The following OR2C1 variants were observed in gnomAD, a reference collection of about 807,000 sequenced individuals.
The protein encoded by OR2C1 is olfactory receptor family 2 subfamily C member 1, also known as olfactory receptor 2C1.
For missense variants in OR2C1, 468 were observed against 388.3 expected, an observed-to-expected ratio of 1.21 and a Z score of -1.73; for synonymous variants, 209 against 167.3, an observed-to-expected ratio of 1.25 and a Z score of -1.92.
chr16:3,335,520 C>CTTTTTTTTTTTTTTTTTTTTTTTTTT, the OR2C1 span, among the ~76,000 whole-genome samples: 1 of 55,410 alleles, frequency 1.8e-5, no homozygotes, highest in African/African-American at 7.5e-5. Flanking sequence ...AATGCTACTG[C>CTTTTTTTTTTTTTTTTTTTTTTTTTT]TTTTTTTTTT....
At position 3,356,498 on chromosome 16, in the gene OR2C1, A is replaced by T. The variant is rs774310059; in HGVS notation, c.558A>T (p.Lys186Asn). 1.3e-5 allele frequency: 21 copies of T among 1,613,984 alleles called. No homozygotes were observed. The Admixed American group carries it at 3.2e-4, about 24-fold the overall frequency. ...TCTGCGAGGTGCCTGCCATGATCAA[A>T]CTGGCCTGTGGCGACACAAGTCTCA... ...GFLCEVPAMI[K>N]LACGDTSLNQ... Residue 186 changes from lysine to asparagine, a missense_variant, in exon 1 of 1, where the codon AAA becomes AAT. Lys to Asn is a moderately conservative substitution (Grantham distance 94). Transcript: ENST00000304936.
At chr16:3,340,121 A>G in the OR2C1 span, among the ~76,000 whole-genome samples, 2 of 152,084 alleles carry the variant, frequency 1.3e-5, no homozygotes, top group Admixed American at 6.6e-5. Flanking sequence ...TCTACTAAAA[A>G]TACAAAAATT....
the OR2C1 span, among the ~76,000 whole-genome samples, chr16:3,345,689 T>C: frequency 6.6e-6 from 1 of 152,072 alleles, no homozygotes; most frequent in Non-Finnish European, 1.5e-5. Flanking sequence ...GAAATAAGCA[T>C]GGGGATTCTT....
At chr16:3,343,803 T>G in the OR2C1 span, among the ~76,000 whole-genome samples, 7 of 151,840 alleles carry the variant, frequency 4.6e-5, no homozygotes, top group East Asian at 1.4e-3. Flanking sequence ...GACAGAAAAT[T>G]TACTAAATAG....
At chr16:3,350,372 TTTGG>T in the OR2C1 span, among the ~76,000 whole-genome samples, 6 of 146,304 alleles carry the variant, frequency 4.1e-5, no homozygotes, top group African/African-American at 1.3e-4. Flanking sequence ...AAATTTTTTG[TTTGG>T]TTGGTTGGTT....
chr16:3,354,711 A>C (rs191037199), upstream of OR2C1, among the ~76,000 whole-genome samples: 5 of 152,288 alleles, frequency 3.3e-5, no homozygotes, highest in African/African-American at 1.2e-4. Flanking sequence ...AGCTTTTCCA[A>C]ATACAATGTG....
At chr16:3,351,226 C>CTTTTTTTT (rs146153498), upstream of OR2C1, among the ~76,000 whole-genome samples, 4 of 13,272 alleles carry the variant, frequency 3.0e-4, no homozygotes, top group Non-Finnish European at 6.5e-4. Flanking sequence ...TTTTCTTTTT[C>CTTTTTTTT]TTTTTTTTTT....
chr16:3,323,790 CT>C, the OR2C1 span: 1 of 780,268 alleles, frequency 1.3e-6, no homozygotes, highest in Non-Finnish European at 2.2e-6. Flanking sequence ...AACCTGAGCC[CT>C]TTTCCTTTCC....
the OR2C1 span, among the ~76,000 whole-genome samples, chr16:3,342,337 G>A: frequency 3.3e-5 from 5 of 152,182 alleles, no homozygotes; most frequent in Non-Finnish European, 7.4e-5. Context: ...AAGGATTTCT[G>A]TTCAAAAAAG....
At chr16:3,349,724 T>G in the OR2C1 span, among the ~76,000 whole-genome samples, 4 of 151,886 alleles carry the variant, frequency 2.6e-5, no homozygotes, top group Admixed American at 2.6e-4. Flanking sequence ...GGGAGAGTGT[T>G]AAATAGCTTT....
the OR2C1 span, chr16:3,322,981 G>A: frequency 3.1e-6 from 3 of 973,834 alleles, no homozygotes; most frequent in African/African-American, 3.5e-5. Flanking sequence ...GAAAATGCTG[G>A]AATTTTTCCT....
At chr16:3,336,833 C>T in the OR2C1 span, among the ~76,000 whole-genome samples, 15 of 150,026 alleles carry the variant, frequency 1.0e-4, no homozygotes, top group Non-Finnish European at 1.8e-4. Context: ...TTCAGCCTCC[C>T]GCGTAGCTGG....
the OR2C1 span, among the ~76,000 whole-genome samples, chr16:3,334,689 T>G: frequency 5.9e-5 from 9 of 152,002 alleles, no homozygotes; most frequent in East Asian, 1.8e-3. Context: ...TATAAATGCA[T>G]GGATTTAATC....
upstream of OR2C1, among the ~76,000 whole-genome samples, chr16:3,351,166 C>T (rs1300224670): frequency 6.7e-6 from 1 of 148,468 alleles, no homozygotes; most frequent in Non-Finnish European, 1.5e-5. Flanking sequence ...CTCAAAATGC[C>T]CTATCGTAAT....
upstream of OR2C1, among the ~76,000 whole-genome samples, chr16:3,354,850 G>C (rs2030634417): frequency 1.3e-5 from 2 of 152,070 alleles, no homozygotes; most frequent in Non-Finnish European, 2.9e-5. Flanking sequence ...CTGCTGCCTT[G>C]AACACTGGGG....
the OR2C1 span, among the ~76,000 whole-genome samples, chr16:3,327,713 C>A: frequency 1.3e-5 from 2 of 152,008 alleles, no homozygotes; most frequent in African/African-American, 2.4e-5. Context: ...ATTAAGAGTT[C>A]AGTGGCATCG....
At chr16:3,355,761 G>C, upstream of OR2C1, 1 of 592,536 alleles carries the variant, frequency 1.7e-6, no homozygotes, top group East Asian at 2.8e-5. Context: ...CAACCTGGGT[G>C]ACAGTGAGAG....
At chr16:3,337,998 G>A in the OR2C1 span, among the ~76,000 whole-genome samples, 1 of 152,194 alleles carries the variant, frequency 6.6e-6, no homozygotes, top group African/African-American at 2.4e-5. Flanking sequence ...CTTTTTGGCA[G>A]TAGACGGTGC....
chr16:3,343,356 A>C, the OR2C1 span, among the ~76,000 whole-genome samples: 19 of 152,246 alleles, frequency 1.2e-4, no homozygotes, highest in African/African-American at 4.1e-4. Flanking sequence ...TGCCTCCCAA[A>C]GTGCTGTGAT....
Sources: allele counts gnomAD v4.1 joint callset (sites outside exome capture counted in the v4.1 genomes callset), GRCh38; gene constraint gnomAD v4.1.1; transcripts MANE v1.5; gene names NCBI Gene and HGNC (gene_info 2026-07-23, HGNC 2026-07-21).